DLGAP2: variants seen among roughly 807,000 people sequenced by gnomAD.
DLGAP2 encodes disks large-associated protein 2.
A neutral mutation model predicts 100.3 loss-of-function variants in DLGAP2; 26 were observed. That is an observed-to-expected ratio of 0.26 (90% confidence interval 0.19 to 0.36). The LOEUF (loss-of-function observed/expected upper bound fraction) is 0.36. Ranked by LOEUF, DLGAP2 falls within the 10% of genes least tolerant of loss-of-function variation. DLGAP2 has a pLI of 1.00. For missense variants in DLGAP2, 1,858 were observed against 1,453.2 expected (o/e 1.28, Z -4.53); for synonymous variants, 886 against 630.1 (o/e 1.41, Z -6.08).
chr8:794,490 A>G (rs946378417), intron 1 of DLGAP2, among the ~76,000 whole-genome samples: 4 of 152,194 alleles, frequency 2.6e-5, no homozygotes, highest in African/African-American at 7.2e-5. Context: ...ATGAGAAATG[A>G]AGGGGTGGGC....
At chr8:762,305 C>G (rs538370291) in intron 1 of DLGAP2, among the ~76,000 whole-genome samples, 1 of 152,204 alleles carries the variant, frequency 6.6e-6, no homozygotes. Flanking sequence ...CTTTGTCAAA[C>G]TCTTGGGACC....
At chr8:1,021,249 T>G (rs1326725722) in intron 2 of DLGAP2, among the ~76,000 whole-genome samples, 1 of 152,174 alleles carries the variant, frequency 6.6e-6, no homozygotes, top group Admixed American at 6.5e-5. Flanking sequence ...ACGCATAGAT[T>G]TGCTGATTTT....
intron 7 of DLGAP2, among the ~76,000 whole-genome samples, chr8:1,628,546 C>T (rs193133579): frequency 2.5e-4 from 38 of 151,056 alleles, no homozygotes; most frequent in Non-Finnish European, 5.9e-5. Context: ...TTCTGTCTGA[C>T]TTACTGTGGA....
intron 2 of DLGAP2, among the ~76,000 whole-genome samples, chr8:932,614 TAATG>T (rs1339819315): frequency 1.3e-5 from 2 of 152,216 alleles, no homozygotes; most frequent in Non-Finnish European, 2.9e-5. Flanking sequence ...AGTAAGCACA[TAATG>T]AATCATTTAT....
chr8:796,705 C>A (rs185024803), intron 1 of DLGAP2, among the ~76,000 whole-genome samples: 1 of 152,172 alleles, frequency 6.6e-6, no homozygotes, highest in Non-Finnish European at 1.5e-5. Flanking sequence ...CTGGCTGGAC[C>A]TCTAGTGTGT....
At chr8:1,253,672 CA>C (rs1446411775) in intron 2 of DLGAP2, among the ~76,000 whole-genome samples, 1 of 152,052 alleles carries the variant, frequency 6.6e-6, no homozygotes, top group African/African-American at 2.4e-5. Flanking sequence ...GGTTCAGGTT[CA>C]CGTACACAAA....
intron 2 of DLGAP2, among the ~76,000 whole-genome samples, chr8:1,245,841 A>G (rs536355726): frequency 1.3e-5 from 2 of 152,338 alleles, no homozygotes; most frequent in East Asian, 3.9e-4. Context: ...ACAGTGGCAC[A>G]CATGGAGACC....
chr8:1,579,012 G>A (rs541131661), intron 6 of DLGAP2, among the ~76,000 whole-genome samples: 8 of 152,306 alleles, frequency 5.3e-5, no homozygotes, highest in African/African-American at 1.9e-4. Context: ...TTATGTATTA[G>A]TGATTGAGAT....
At chr8:1,125,985 T>A (rs1796154392) in intron 2 of DLGAP2, among the ~76,000 whole-genome samples, 1 of 152,228 alleles carries the variant, frequency 6.6e-6, no homozygotes, top group Admixed American at 6.5e-5. Context: ...CACATTCATC[T>A]CCATGGACAC....
chr8:1,319,345 T>C (rs1162213392), intron 3 of DLGAP2, among the ~76,000 whole-genome samples: 1 of 152,188 alleles, frequency 6.6e-6, no homozygotes, highest in Non-Finnish European at 1.5e-5. Context: ...AAATCCCAGA[T>C]CAGAGGTTCA....
At chr8:1,451,428 A>G (rs1459993355) in intron 3 of DLGAP2, among the ~76,000 whole-genome samples, 3 of 151,860 alleles carry the variant, frequency 2.0e-5, no homozygotes, top group Non-Finnish European at 2.9e-5. Context: ...GCTTTATCAC[A>G]TCCATCAGCC....
At chr8:1,349,806 A>C (rs1175405583) in intron 3 of DLGAP2, among the ~76,000 whole-genome samples, 2 of 152,286 alleles carry the variant, frequency 1.3e-5, no homozygotes, top group Admixed American at 1.3e-4. Flanking sequence ...GTGCAAACTC[A>C]TCAGACACCT....
chr8:1,527,581 A>G (rs75703513), intron 4 of DLGAP2, among the ~76,000 whole-genome samples: 1 of 152,248 alleles, frequency 6.6e-6, no homozygotes, highest in South Asian at 2.1e-4. Flanking sequence ...TCTGAGAGTG[A>G]GAAAAGTTTC....
chr8:1,565,572 G>T lies in DLGAP2; in HGVS notation c.1231-111G>T, dbSNP rs571811850. On this transcript the variant is annotated intron_variant, in intron 5 of 14. Coordinates refer to ENST00000637795, the MANE Select transcript of DLGAP2 (RefSeq NM_001346810.2). ...ATCTGACTTTAACTGATAAATGACT[G>T]TAAAGAGGTGTATCTTTATGGAATT... is the stretch of plus-strand genomic sequence containing the variant. The T allele has an allele frequency of 1.0e-5, 8 of 780,208 alleles. No individual in the cohort carries two copies. The East Asian group carries it at 2.2e-4, about 21-fold the overall frequency. 48.3% of individuals were successfully genotyped at this position (780,208 alleles called of 1,614,324 possible).
At chr8:835,166 C>T (rs1042431662) in intron 1 of DLGAP2, among the ~76,000 whole-genome samples, 1 of 152,176 alleles carries the variant, frequency 6.6e-6, no homozygotes, top group Non-Finnish European at 1.5e-5. Flanking sequence ...TGGTACTATG[C>T]ACTGAATTGA....
chr8:1,373,527 A>G (rs536953120), intron 3 of DLGAP2, among the ~76,000 whole-genome samples: 6 of 152,220 alleles, frequency 3.9e-5, no homozygotes, highest in African/African-American at 9.6e-5. Context: ...GCAGTGGGCA[A>G]TTGTTCTCTT....
chr8:1,241,933 T>C (rs1361499366), intron 2 of DLGAP2, among the ~76,000 whole-genome samples: 2 of 152,210 alleles, frequency 1.3e-5, no homozygotes, highest in Non-Finnish European at 2.9e-5. Context: ...TATGACAAGG[T>C]ACATGAATGA....
intron 2 of DLGAP2, among the ~76,000 whole-genome samples, chr8:1,025,247 C>A (rs753026668): frequency 2.6e-5 from 4 of 152,122 alleles, no homozygotes; most frequent in African/African-American, 9.7e-5. Flanking sequence ...CAAGCAAACA[C>A]GGTGCCGCCC....
intron 2 of DLGAP2, among the ~76,000 whole-genome samples, chr8:1,057,452 A>C (rs748909004): frequency 6.6e-6 from 1 of 152,226 alleles, no homozygotes; most frequent in Non-Finnish European, 1.5e-5. Flanking sequence ...CACAAGGGCT[A>C]AGTCTTTAAT....
Sources: gnomAD v4.1 joint callset for allele counts (sites outside exome capture counted in the v4.1 genomes callset) on GRCh38, gnomAD v4.1.1 for gene constraint, MANE v1.5 for transcripts, NCBI Gene and HGNC (gene_info 2026-07-23, HGNC 2026-07-21) for gene names.